The following SP1 variants were observed in gnomAD, a reference collection of about 807,000 sequenced individuals.
SP1 encodes Sp1 transcription factor, also known as transcription factor Sp1.
A neutral mutation model predicts 66.3 loss-of-function variants in SP1; 6 were observed. The observed-to-expected ratio is 0.09, with a 90% confidence interval of 0.05 to 0.18. The LOEUF is 0.18. Ranked by LOEUF, SP1 falls within the 10% of genes least tolerant of loss-of-function variation. The pLI is 1.00. For missense variants in SP1, 848 were observed against 964.5 expected (o/e 0.88, Z 1.60); for synonymous variants, 417 against 360.8 (o/e 1.16, Z -1.77).
At chr12:53,385,010 G>A (rs1404565823) in intron 3 of SP1, among the ~76,000 whole-genome samples, 1 of 151,322 alleles carries the variant, frequency 6.6e-6, no homozygotes, top group African/African-American at 2.4e-5. Context: ...AAATTAGTCG[G>A]GTGGCTGGGC....
Position 53,380,182 on chromosome 12 carries a change from CCCT to C in SP1, c.-107_-105del. 1 of 754,372 alleles carries C rather than the reference CCCT, an allele frequency of 1.3e-6. No individual in the cohort carries two copies. Among genetic ancestry groups the C allele is most frequent in the Admixed American group, 2.0e-5 (1 of 49,842 alleles). 46.7% of individuals were successfully genotyped at this position (754,372 alleles called of 1,614,324 possible). ...GCGCTGCTCCCTCCTCCTTACCCCC[CCCT>C]CCCTGTCCGGTCCGGGTTCGCTTGC... On this transcript the variant is annotated 5_prime_UTR_variant, in exon 1 of 6. Transcript: ENST00000327443.
rs549903635 is a variant in SP1, at chr12:53,415,119, T to A, written c.*3879T>A. ...AGCTTTGGGGAAAGGGAGGAAGATA[T>A]GGCACTTCTCCAACCCCGGAAAACA... On this transcript the variant is annotated 3_prime_UTR_variant, in exon 6 of 6. Transcript: ENST00000327443. The A allele has an allele frequency of 6.6e-6, 1 of 152,660 alleles. No individual in the cohort carries two copies. The highest frequency in any genetic ancestry group is 6.6e-5 in the Admixed American group (1 of 15,260). 9.5% of individuals were successfully genotyped at this position (152,660 alleles called of 1,614,324 possible). A position where few individuals can be genotyped will look rare whatever the true frequency, so the allele number is the denominator to read the frequency against.
rs1409264180 is a variant in SP1 at position 53,411,471 on chromosome 12, G to A, written c.*231G>A. 6.6e-6 allele frequency: 3 copies of A among 455,838 alleles called. 1 individual carries two copies. The highest frequency in any genetic ancestry group is 8.8e-5 in the South Asian group (2 of 22,640). The allele number at this position is 455,838 out of a possible 1,614,324, so 28.2% of individuals were successfully genotyped here. ...TTAGTGAAAATTCTGTTGGTGCCAC[G>A]CTTTGATGAGCATTTGTTTGACCCC... is the stretch of plus-strand genomic sequence containing the variant. On this transcript the variant is annotated 3_prime_UTR_variant, in exon 6 of 6. Transcript: ENST00000327443.
chr12:53,394,496 T>A (rs922908562), intron 3 of SP1, among the ~76,000 whole-genome samples: 40 of 143,460 alleles, frequency 2.8e-4, no homozygotes, highest in Non-Finnish European at 5.0e-4. Flanking sequence ...GCCCTTGACC[T>A]CCTGGGATCA....
chr12:53,383,741 T>C, intron 3 of SP1, 119 bp downstream of exon 3: 1 of 803,110 alleles, frequency 1.2e-6, no homozygotes, highest in Non-Finnish European at 2.0e-6. Flanking sequence ...GTTAGTCATT[T>C]AGGCAAATAA....
chr12:53,399,272 C>G (rs1938554338), intron 3 of SP1, among the ~76,000 whole-genome samples: 1 of 152,052 alleles, frequency 6.6e-6, no homozygotes, highest in Non-Finnish European at 1.5e-5. Flanking sequence ...CCTTAGCCTC[C>G]CGAGTAGCTG....
intron 4 of SP1, 22 bp downstream of exon 4, chr12:53,406,775 C>T: frequency 6.3e-7 from 1 of 1,584,142 alleles, no homozygotes; most frequent in Non-Finnish European, 8.6e-7. Context: ...CAGCCAGTTT[C>T]TTACAAATAT....
In SP1 at chr12:53,415,560, TCTTC is replaced by T. The variant is rs1938979100; in HGVS notation, c.*4324_*4327del. ...CTTCCTCATTATCAAACAGCCCCAG[TCTTC>T]CTTGTCTCTGCTAAGAAAGTAGAGG... On this transcript the variant is annotated 3_prime_UTR_variant, in exon 6 of 6. Transcript: ENST00000327443. The T allele has an allele frequency of 6.6e-6, 1 of 151,914 alleles. No homozygotes were observed. Among genetic ancestry groups the T allele is most frequent in the South Asian group, 2.1e-4 (1 of 4,798 alleles). The allele number at this position is 151,914 out of a possible 1,614,324, so 9.4% of individuals were successfully genotyped here.
At chr12:53,383,749 T>C in intron 3 of SP1, 127 bp downstream of exon 3, 2 of 755,076 alleles carry the variant, frequency 2.6e-6, no homozygotes, top group Non-Finnish European at 2.1e-6. Flanking sequence ...TTTAGGCAAA[T>C]AAATTTGAGA....
At chr12:53,407,014 C>G (rs1938755812) in intron 4 of SP1, among the ~76,000 whole-genome samples, 1 of 151,926 alleles carries the variant, frequency 6.6e-6, no homozygotes, top group South Asian at 2.1e-4. Flanking sequence ...TTAGTAGAGA[C>G]AGGGTTTCAC....
chr12:53,405,962 G>A (rs1241370510), intron 3 of SP1, among the ~76,000 whole-genome samples: 4 of 147,856 alleles, frequency 2.7e-5, no homozygotes, highest in African/African-American at 1.0e-4. Context: ...TAACCTACAC[G>A]TTGTGCACAT....
chr12:53,380,199 G>T lies in SP1; in HGVS notation c.-93G>T, dbSNP rs965653411. On this transcript the variant is annotated 5_prime_UTR_variant, in exon 1 of 6. Coordinates refer to ENST00000327443, the MANE Select transcript of SP1 (RefSeq NM_138473.3). ...TTACCCCCCCCTCCCTGTCCGGTCCGGGTTCGCTTGCCTCGTCAGCGTCCG... is the reference window on the plus strand; with the variant it reads ...TTACCCCCCCCTCCCTGTCCGGTCCTGGTTCGCTTGCCTCGTCAGCGTCCG... 6.6e-5 allele frequency: 58 copies of T among 874,114 alleles called. No homozygotes were observed. The highest frequency in any genetic ancestry group is 1.0e-4 in the Non-Finnish European group (53 of 524,854). The allele number at this position is 874,114 out of a possible 1,614,324, so 54.1% of individuals were successfully genotyped here.
At chr12:53,406,795 T>G (rs549264677) in intron 4 of SP1, 42 bp downstream of exon 4, 17 of 1,532,348 alleles carry the variant, frequency 1.1e-5, no homozygotes, top group Admixed American at 4.0e-5. Context: ...TAAAGAAAAA[T>G]TAATAGATTT....
rs921645126 is a variant in SP1, at chr12:53,380,214, G to C, written c.-78G>C. The C allele has an allele frequency of 8.9e-7, 1 of 1,128,106 alleles. No homozygotes were observed. Among genetic ancestry groups the C allele is most frequent in the Non-Finnish European group, 1.3e-6 (1 of 749,678 alleles). 69.9% of individuals were successfully genotyped at this position (1,128,106 alleles called of 1,614,324 possible). A position where few individuals can be genotyped will look rare whatever the true frequency, so the allele number is the denominator to read the frequency against. ...TGTCCGGTCCGGGTTCGCTTGCCTC[G>C]TCAGCGTCCGCGTTTTTCCCGGCCC... is the stretch of plus-strand genomic sequence containing the variant. On this transcript the variant is annotated 5_prime_UTR_variant, in exon 1 of 6. Coordinates refer to ENST00000327443, the MANE Select transcript of SP1 (RefSeq NM_138473.3).
At chr12:53,408,900 C>T (rs557098949) in intron 4 of SP1, among the ~76,000 whole-genome samples, 11 of 138,562 alleles carry the variant, frequency 7.9e-5, no homozygotes, top group African/African-American at 3.0e-4. Context: ...AGCGAGACTC[C>T]GTCTCAAAAC....
In SP1 at chr12:53,411,343, T is replaced by A; in HGVS notation, c.*103T>A. 1 of 915,416 alleles carries A rather than the reference T, an allele frequency of 1.1e-6. No homozygotes were observed. Among genetic ancestry groups the A allele is most frequent in the Non-Finnish European group, 1.6e-6 (1 of 606,322 alleles). 56.7% of individuals were successfully genotyped at this position (915,416 alleles called of 1,614,324 possible). Reference sequence around the variant, plus strand: ...CATGGAAGAGAGAGCCATGAAGCATTAAAATGCATGGTGTTGAGAAGAATC... The same window carrying A: ...CATGGAAGAGAGAGCCATGAAGCATAAAAATGCATGGTGTTGAGAAGAATC... On this transcript the variant is annotated 3_prime_UTR_variant, in exon 6 of 6. Coordinates refer to ENST00000327443, the MANE Select transcript of SP1 (RefSeq NM_138473.3).
chr12:53,414,270 AC>A lies in SP1; in HGVS notation c.*3031del, dbSNP rs1938952706. On this transcript the variant is annotated 3_prime_UTR_variant, in exon 6 of 6. Transcript: ENST00000327443. ...CAGAAGAGTGGTGAGATAGTAAAAC[AC>A]TTATTCCCTCATCCTTTCAGGTTTT... The A allele has an allele frequency of 2.0e-5, 3 of 152,582 alleles. No homozygotes were observed. Among genetic ancestry groups the A allele is most frequent in the Admixed American group, 2.0e-4 (3 of 15,262 alleles). The allele number at this position is 152,582 out of a possible 1,614,324, so 9.5% of individuals were successfully genotyped here.
chr12:53,387,410 T>A (rs951821376), intron 3 of SP1, among the ~76,000 whole-genome samples: 3 of 152,234 alleles, frequency 2.0e-5, no homozygotes, highest in African/African-American at 7.2e-5. Context: ...GGGGAAAGTC[T>A]GCTTAAGTTC....
At chr12:53,408,642 C>G (rs1372694249) in intron 4 of SP1, among the ~76,000 whole-genome samples, 2 of 151,446 alleles carry the variant, frequency 1.3e-5, no homozygotes, top group African/African-American at 4.8e-5. Context: ...TGCGGTGGCT[C>G]ACGCCTGTAA....
Sources: allele counts gnomAD v4.1 joint callset (sites outside exome capture counted in the v4.1 genomes callset), GRCh38; gene constraint gnomAD v4.1.1; transcripts MANE v1.5; gene names NCBI Gene and HGNC (gene_info 2026-07-23, HGNC 2026-07-21).